The following TAF1 variants were observed in gnomAD, a reference collection of about 807,000 sequenced individuals.
TAF1 encodes the protein TATA-box binding protein associated factor 1, also known as transcription initiation factor TFIID subunit 1.
In TAF1, 2 loss-of-function variants were observed where a neutral mutation model predicts 138.5. That is an observed-to-expected ratio of 0.01 (90% CI 0.01 to 0.05). The LOEUF (loss-of-function observed/expected upper bound fraction) is 0.05. Among genes scored for constraint, TAF1 ranks in the 10% least tolerant of loss-of-function variants. The probability of loss-of-function intolerance (pLI) is 1.00; values close to 1 mark genes in which losing one functional copy is unlikely to be tolerated. For missense variants in TAF1, 709 were observed against 1,478.0 expected, an observed-to-expected ratio of 0.48 and a Z score of 8.53; for synonymous variants, 437 against 503.2, an observed-to-expected ratio of 0.87 and a Z score of 1.76.
chrX:71,487,710 AAC>A (rs1378427829), intron 13 of TAF1, among the ~76,000 whole-genome samples: 1 of 112,342 alleles, frequency 8.9e-6, no homozygotes, highest in Non-Finnish European at 1.9e-5. Context: ...ATCTCTACTT[AAC>A]ATGCTCAATT....
At chrX:71,368,263 A>G (rs1199054135) in intron 3 of TAF1, 93 bp downstream of exon 3, 1 of 906,506 alleles carries the variant, frequency 1.1e-6, no homozygotes, top group East Asian at 3.2e-5. Context: ...GCTGTCTGCC[A>G]TTGTTTCTGC....
At chrX:71,399,515 C>T (rs1176552953) in intron 24 of TAF1, among the ~76,000 whole-genome samples, 1 of 107,183 alleles carries the variant, frequency 9.3e-6, no homozygotes, top group African/African-American at 3.4e-5. Flanking sequence ...CTCCACCTCC[C>T]AAAGTGCTGG....
intron 29 of TAF1, 75 bp from the exon 30 acceptor site, chrX:71,423,042 A>G (rs1001719256): frequency 2.7e-5 from 32 of 1,179,142 alleles, no homozygotes; most frequent in Middle Eastern, 2.5e-4. Context: ...ACGCCCGGCA[A>G]ATTGTCCTTA....
chrX:71,459,187 C>A (rs1294400056), intron 35 of TAF1: 3 of 1,089,483 alleles, frequency 2.8e-6, no homozygotes, highest in Non-Finnish European at 3.7e-6. Flanking sequence ...GAGGAAGACT[C>A]TGATGTAGAT....
chrX:71,485,051 T>C (rs1347337270), intron 13 of TAF1: 1 of 111,916 alleles, frequency 8.9e-6, no homozygotes, highest in African/African-American at 3.2e-5. Context: ...CTTGCTCCAG[T>C]TGAACCTTGA....
At chrX:71,503,277 A>AAAAAATATATATATATGTGTATAT in intron 13 of TAF1, among the ~76,000 whole-genome samples, 1 of 90,149 alleles carries the variant, frequency 1.1e-5, no homozygotes, top group African/African-American at 4.5e-5. Context: ...TCAAAAAAAA[A>AAAAAATATATATATATGTGTATAT]ATATATATAT....
chrX:71,401,647 G>A lies in TAF1; in HGVS notation c.3906G>A (p.Glu1302=), dbSNP rs2035181321. 14 of 1,211,821 alleles carry A rather than the reference G, an allele frequency of 1.2e-5. No individual in the cohort carries two copies. The highest frequency in any genetic ancestry group is 1.6e-5 in the Non-Finnish European group (14 of 895,577). ...TTGCCATGACAGAAGAACAGGAGGA[G>A]GAGTTGGAAAAGACAGTCATTCATA... ...NPVAMTEEQE[E]ELEKTVIHND... The change falls in exon 25 of 38, where the codon GAG becomes GAA. Residue 1302 remains glutamate, a synonymous_variant. Coordinates refer to ENST00000423759, the MANE Select transcript of TAF1 (RefSeq NM_004606.5).
chrX:71,508,094 A>C (rs202185481), intron 13 of TAF1, among the ~76,000 whole-genome samples: 4,580 of 93,138 alleles, frequency 0.049, 131 homozygotes, highest in Admixed American at 0.099. Context: ...CTCTATATAT[A>C]TATATATATA....
chrX:71,391,397 T>G (rs5980758), intron 18 of TAF1, among the ~76,000 whole-genome samples: 26,349 of 109,725 alleles, frequency 0.24, 2,715 homozygotes, highest in African/African-American at 0.39. Context: ...TAAGAATTCT[T>G]TTGAGGCCAG....
chrX:71,472,022 T>TA (rs761780969), intron 13 of TAF1, among the ~76,000 whole-genome samples: 3 of 112,229 alleles, frequency 2.7e-5, no homozygotes, highest in South Asian at 7.4e-4. Flanking sequence ...CATGGAAACT[T>TA]AGAGTTTTCC....
In TAF1 at chrX:71,518,684, TTTTCTTTC is replaced by T. The variant is rs1303835691; in HGVS notation, c.1367-9854_1367-9847del. On this transcript the variant is annotated intron_variant and NMD_transcript_variant, in intron 13 of 14. Transcript: ENST00000373775. ...GTATACTTATTACAAAATTCTTTTC[TTTTCTTTC>T]TTTTTTTTTTTTTTTTTTTTTGAGA... Among the ~76,000 whole-genome samples the T allele has an allele frequency of 2.9e-5, 3 of 104,827 alleles. No individual in the cohort carries two copies. In the Admixed American group the frequency reaches 3.1e-4, roughly 11 times the overall value. 91.0% of individuals were successfully genotyped at this position (104,827 alleles called of 115,157 possible).
At chrX:71,471,128 C>T (rs2038876014) in intron 13 of TAF1, among the ~76,000 whole-genome samples, 2 of 107,783 alleles carry the variant, frequency 1.9e-5, no homozygotes, top group African/African-American at 6.7e-5. Flanking sequence ...GCATCCTGGC[C>T]AACATGGTGA....
At chrX:71,370,439 C>T (rs773050103) in intron 3 of TAF1, among the ~76,000 whole-genome samples, 18 of 111,141 alleles carry the variant, frequency 1.6e-4, no homozygotes, top group African/African-American at 4.9e-4. Flanking sequence ...TTCCACCTAC[C>T]GGGTTCAAGT....
intron 13 of TAF1, among the ~76,000 whole-genome samples, chrX:71,519,051 G>A (rs747737699): frequency 6.5e-5 from 7 of 108,493 alleles, no homozygotes; most frequent in African/African-American, 2.3e-4. Context: ...GGCCGGGCGC[G>A]GTGGCTCATG....
intron 28 of TAF1, among the ~76,000 whole-genome samples, chrX:71,410,399 TAAA>T (rs1362941177): frequency 1.0e-5 from 1 of 95,724 alleles, no homozygotes; most frequent in African/African-American, 3.8e-5. Flanking sequence ...GCACATGTAC[TAAA>T]AAAAAAAATA....
intron 32 of TAF1, among the ~76,000 whole-genome samples, chrX:71,441,446 G>A (rs913407587): frequency 9.1e-5 from 10 of 110,425 alleles, no homozygotes; most frequent in Non-Finnish European, 1.9e-4. Context: ...TAAATTGATA[G>A]CAATTGTACA....
intron 26 of TAF1, 30 bp downstream of exon 26, chrX:71,406,776 A>G (rs2035492719): frequency 6.1e-6 from 7 of 1,145,968 alleles, no homozygotes; most frequent in Non-Finnish European, 8.4e-6. Context: ...CCTTCTGATT[A>G]GGTAGGTTAT....
rs901599198 is a variant in TAF1 at position 71,407,521 on chromosome X, A to T, written c.4108-53A>T. On this transcript the variant is annotated intron_variant, in intron 26 of 37. Transcript: ENST00000423759. ...GTGTGAGCTACTGTGCCTGGACAGA[A>T]TGTGGATTTTTTTTGGTCTGAGGAA... 6.3e-6 allele frequency: 7 copies of T among 1,104,329 alleles called. No individual in the cohort carries two copies. In the African/African-American group the frequency reaches 1.3e-4, roughly 20 times the overall value. The allele number at this position is 1,104,329 out of a possible 1,213,427, so 91.0% of individuals were successfully genotyped here. A position where few individuals can be genotyped will look rare whatever the true frequency, so the allele number is the denominator to read the frequency against.
At chrX:71,389,165 A>G (rs1037625204) in intron 17 of TAF1, among the ~76,000 whole-genome samples, 1 of 111,846 alleles carries the variant, frequency 8.9e-6, no homozygotes, top group African/African-American at 3.2e-5. Flanking sequence ...TCTTTGCAAG[A>G]TAAGCATATA....
Sources: allele counts gnomAD v4.1 joint callset (sites outside exome capture counted in the v4.1 genomes callset), GRCh38; gene constraint gnomAD v4.1.1; transcripts MANE v1.5; gene names NCBI Gene and HGNC (gene_info 2026-07-23, HGNC 2026-07-21).